CDH18: variants seen among roughly 807,000 people sequenced by gnomAD.
CDH18 encodes the protein cadherin 18, also known as cadherin-18.
CDH18 carries 31 observed loss-of-function variants against 67.9 expected under a neutral mutation model. The observed-to-expected ratio is 0.46, with a 90% CI of 0.34 to 0.62. CDH18 has a LOEUF of 0.62. Ranked by LOEUF, CDH18 falls within the 20% of genes least tolerant of loss-of-function variation. The pLI, the probability that CDH18 is intolerant of heterozygous loss-of-function variation, is 0.01. For missense variants in CDH18, 890 were observed against 975.5 expected (o/e 0.91, Z 1.17); for synonymous variants, 362 against 347.2 (o/e 1.04, Z -0.48).
At chr5:20,281,037 C>T (rs1746223029) in intron 1 of CDH18, among the ~76,000 whole-genome samples, 1 of 152,110 alleles carries the variant, frequency 6.6e-6, no homozygotes, top group Non-Finnish European at 1.5e-5. Flanking sequence ...ATCCTTTTCC[C>T]ACTTTTTGAT....
chr5:19,639,267 C>T (rs980285714), intron 5 of CDH18, among the ~76,000 whole-genome samples: 1 of 152,016 alleles, frequency 6.6e-6, no homozygotes, highest in Non-Finnish European at 1.5e-5. Flanking sequence ...CTCCCAAATA[C>T]TGGGATTACA....
chr5:19,724,100 C>T (rs767042861), intron 4 of CDH18, among the ~76,000 whole-genome samples: 17 of 152,138 alleles, frequency 1.1e-4, no homozygotes, highest in Non-Finnish European at 1.6e-4. Context: ...TAGCCCCACA[C>T]TGGAAACCAT....
chr5:19,514,169 C>T (rs138092384), intron 10 of CDH18, among the ~76,000 whole-genome samples: 20 of 152,278 alleles, frequency 1.3e-4, no homozygotes, highest in African/African-American at 3.1e-4. Context: ...CTACAAAGGA[C>T]GGGAACTCAT....
At chr5:20,170,555 GGAT>G (rs1261744871) in intron 2 of CDH18, among the ~76,000 whole-genome samples, 3 of 152,000 alleles carry the variant, frequency 2.0e-5, no homozygotes, top group African/African-American at 7.2e-5. Flanking sequence ...ATAATTTAGT[GGAT>G]AATAATATAA....
chr5:19,923,186 G>A (rs1010135769), intron 2 of CDH18, among the ~76,000 whole-genome samples: 4 of 152,118 alleles, frequency 2.6e-5, no homozygotes, highest in African/African-American at 9.7e-5. Context: ...GCACATCTAA[G>A]CCCAGTTTTC....
intron 1 of CDH18, among the ~76,000 whole-genome samples, chr5:20,460,043 A>G (rs1181956479): frequency 6.6e-6 from 1 of 152,116 alleles, no homozygotes; most frequent in Non-Finnish European, 1.5e-5. Flanking sequence ...AAATAAACCA[A>G]TGTAATATTC....
chr5:20,394,038 T>C (rs984800117), intron 1 of CDH18, among the ~76,000 whole-genome samples: 3 of 152,032 alleles, frequency 2.0e-5, no homozygotes, highest in Non-Finnish European at 4.4e-5. Flanking sequence ...ACATCATTTT[T>C]ACAAAGAATT....
At chr5:20,343,464 C>T (rs1477377985) in intron 1 of CDH18, among the ~76,000 whole-genome samples, 1 of 152,124 alleles carries the variant, frequency 6.6e-6, no homozygotes, top group Non-Finnish European at 1.5e-5. Flanking sequence ...CATTACATTA[C>T]CAACAATTCA....
At chr5:19,766,869 T>G (rs1459425802) in intron 3 of CDH18, among the ~76,000 whole-genome samples, 5 of 152,198 alleles carry the variant, frequency 3.3e-5, no homozygotes, top group Non-Finnish European at 5.9e-5. Context: ...TGCCAAAGAA[T>G]GCCTTGTCAT....
At chr5:20,087,324 G>A (rs1346783533) in intron 2 of CDH18, among the ~76,000 whole-genome samples, 1 of 152,054 alleles carries the variant, frequency 6.6e-6, no homozygotes, top group East Asian at 1.9e-4. Context: ...TGTGAACATT[G>A]TTTAAATATT....
intron 1 of CDH18, among the ~76,000 whole-genome samples, chr5:20,408,626 C>A (rs1333881759): frequency 2.0e-5 from 3 of 151,258 alleles, no homozygotes; most frequent in Non-Finnish European, 3.0e-5. Context: ...CATATTAATA[C>A]TAAATATAAA....
intron 2 of CDH18, among the ~76,000 whole-genome samples, chr5:19,875,395 TATAGATAGATAGATAGATAGATAG>T (rs56837232): frequency 6.8e-6 from 1 of 147,638 alleles, no homozygotes; most frequent in African/African-American, 2.5e-5. Flanking sequence ...CTTCCATGGG[TATAGATAGATAGATAGATAGATAG>T]ATAGATAGAT....
intron 1 of CDH18, among the ~76,000 whole-genome samples, chr5:20,457,098 C>T (rs1430255659): frequency 6.6e-6 from 1 of 152,114 alleles, no homozygotes; most frequent in Non-Finnish European, 1.5e-5. Flanking sequence ...AGATTTCAGA[C>T]TTGGAAAATG....
chr5:20,563,902 T>C (rs1561135176), intron 1 of CDH18, among the ~76,000 whole-genome samples: 1 of 152,048 alleles, frequency 6.6e-6, no homozygotes, highest in South Asian at 2.1e-4. Context: ...TTAAATAAAC[T>C]AGTAGAGAAG....
At chr5:20,295,483 C>T (rs1205485939) in intron 1 of CDH18, among the ~76,000 whole-genome samples, 2 of 152,070 alleles carry the variant, frequency 1.3e-5, no homozygotes, top group African/African-American at 4.8e-5. Context: ...AGTCCCAGCG[C>T]TTTGGGAGGC....
At chr5:19,604,637 T>C (rs1747740663) in intron 6 of CDH18, among the ~76,000 whole-genome samples, 2 of 151,626 alleles carry the variant, frequency 1.3e-5, no homozygotes, top group Admixed American at 6.6e-5. Context: ...TTATTAAGCA[T>C]TGTGGTTGGC....
chr5:20,012,346 C>G (rs1481189689), intron 2 of CDH18, among the ~76,000 whole-genome samples: 12 of 130,222 alleles, frequency 9.2e-5, no homozygotes, highest in East Asian at 4.3e-4. Context: ...GTTTAGCTAG[C>G]AGTCTAGCTA....
chr5:20,192,283 T>C (rs1043697982), intron 2 of CDH18, among the ~76,000 whole-genome samples: 3 of 152,216 alleles, frequency 2.0e-5, no homozygotes, highest in Middle Eastern at 3.4e-3. Context: ...TTGCAAAATT[T>C]TCTCCCATTC....
At chr5:20,530,987 A>G (rs1291351054) in intron 1 of CDH18, among the ~76,000 whole-genome samples, 1 of 152,138 alleles carries the variant, frequency 6.6e-6, no homozygotes, top group East Asian at 1.9e-4. Context: ...CAATCTATCC[A>G]TCTGGCAAAG....
Sources: gnomAD v4.1 joint callset for allele counts (sites outside exome capture counted in the v4.1 genomes callset) on GRCh38, gnomAD v4.1.1 for gene constraint, MANE v1.5 for transcripts, NCBI Gene and HGNC (gene_info 2026-07-23, HGNC 2026-07-21) for gene names.